MDGA2: variants seen among roughly 807,000 people sequenced by gnomAD.
MDGA2 encodes MAM domain-containing glycosylphosphatidylinositol anchor protein 2.
A neutral mutation model predicts 117.8 loss-of-function variants in MDGA2; 40 were observed. The ratio of observed to expected loss-of-function variants is 0.34; its 90% CI spans 0.26 to 0.44. The LOEUF is 0.44. MDGA2 is among the 20% of genes least tolerant of loss of function. MDGA2 has a pLI of 1.00. For missense variants in MDGA2, 1,123 were observed against 1,250.6 expected (o/e 0.90, Z 1.54); for synonymous variants, 452 against 439.0 (o/e 1.03, Z -0.37).
At chr14:47,413,014 G>A (rs1020578166) in intron 1 of MDGA2, among the ~76,000 whole-genome samples, 2 of 152,068 alleles carry the variant, frequency 1.3e-5, no homozygotes, top group African/African-American at 4.8e-5. Context: ...TGTTTTTTCA[G>A]GACCATTTTT....
At chr14:46,863,443 C>A (rs1566496398) in intron 14 of MDGA2, among the ~76,000 whole-genome samples, 1 of 152,114 alleles carries the variant, frequency 6.6e-6, no homozygotes, top group Non-Finnish European at 1.5e-5. Flanking sequence ...ACAGCCTGTG[C>A]AATTCATCCT....
chr14:47,259,812 G>C (rs1258298104), intron 2 of MDGA2, among the ~76,000 whole-genome samples: 1 of 152,086 alleles, frequency 6.6e-6, no homozygotes, highest in African/African-American at 2.4e-5. Context: ...CCCAGGGGCT[G>C]AGCAGGATGT....
At chr14:47,215,310 C>T (rs761551908) in intron 3 of MDGA2, among the ~76,000 whole-genome samples, 1 of 151,994 alleles carries the variant, frequency 6.6e-6, no homozygotes, top group Non-Finnish European at 1.5e-5. Flanking sequence ...AACATTCAAT[C>T]AAAATTAGAG....
At chr14:47,473,930 A>G (rs1339570918) in intron 1 of MDGA2, among the ~76,000 whole-genome samples, 1 of 152,236 alleles carries the variant, frequency 6.6e-6, no homozygotes, top group African/African-American at 2.4e-5. Context: ...CAAGACAAGT[A>G]TGCCCTCTCT....
chr14:47,525,998 T>C (rs1894966804), intron 1 of MDGA2, among the ~76,000 whole-genome samples: 1 of 152,166 alleles, frequency 6.6e-6, no homozygotes, highest in Admixed American at 6.5e-5. Flanking sequence ...TTAATCTGGA[T>C]ATTTCTAGGC....
At chr14:47,465,129 G>A (rs1381064602) in intron 1 of MDGA2, among the ~76,000 whole-genome samples, 1 of 151,864 alleles carries the variant, frequency 6.6e-6, no homozygotes, top group South Asian at 2.1e-4. Context: ...ATGGTGCTGG[G>A]ATAACTGGCT....
rs1441881807 is a variant in MDGA2, at chr14:47,674,498, G to C, written c.280+19C>G. 1.3e-6 allele frequency: 2 copies of C among 1,544,818 alleles called. No individual in the cohort carries two copies. The highest frequency in any genetic ancestry group is 1.4e-5 in the African/African-American group (1 of 72,674). ...GCCTAAGAATCACAAGGTCACGATA[G>C]CGTCGCGATTCCACTCACCGTACAC... On this transcript the variant is annotated intron_variant, in intron 1 of 16. Transcript: ENST00000399232.
At chr14:47,045,352 TTAAAA>T (rs1447785196) in intron 7 of MDGA2, among the ~76,000 whole-genome samples, 2 of 152,188 alleles carry the variant, frequency 1.3e-5, no homozygotes, top group East Asian at 3.9e-4. Flanking sequence ...TTTAGAATAA[TTAAAA>T]TAAATCTCTT....
intron 5 of MDGA2, among the ~76,000 whole-genome samples, chr14:47,125,440 T>C (rs1373807031): frequency 6.6e-6 from 1 of 152,102 alleles, no homozygotes; most frequent in Non-Finnish European, 1.5e-5. Context: ...CAACAATTTC[T>C]GGACATTTAT....
intron 2 of MDGA2, among the ~76,000 whole-genome samples, chr14:47,239,196 T>C (rs2139598989): frequency 6.7e-6 from 1 of 148,546 alleles, no homozygotes; most frequent in East Asian, 1.9e-4. Flanking sequence ...CTGACGACCG[T>C]AACCTTTACG....
intron 2 of MDGA2, among the ~76,000 whole-genome samples, chr14:47,249,049 C>T (rs1268664938): frequency 1.4e-4 from 20 of 143,294 alleles, no homozygotes; most frequent in African/African-American, 4.7e-4. Flanking sequence ...CATGGAGTCT[C>T]GCTCTGTCAC....
intron 6 of MDGA2, among the ~76,000 whole-genome samples, chr14:47,081,733 A>G (rs896508395): frequency 6.6e-6 from 1 of 152,180 alleles, no homozygotes; most frequent in Non-Finnish European, 1.5e-5. Flanking sequence ...TATTATTTTT[A>G]GTATGCAGTG....
intron 1 of MDGA2, among the ~76,000 whole-genome samples, chr14:47,520,204 T>C (rs1267706857): frequency 1.3e-5 from 2 of 152,160 alleles, no homozygotes; most frequent in Non-Finnish European, 2.9e-5. Context: ...CTCTAAGGAT[T>C]TGCATTCACA....
intron 9 of MDGA2, among the ~76,000 whole-genome samples, chr14:46,937,060 A>T (rs1884808771): frequency 6.6e-6 from 1 of 152,154 alleles, no homozygotes; most frequent in African/African-American, 2.4e-5. Flanking sequence ...TCTACCAAAA[A>T]AACTCTTAGA....
At position 46,964,919 on chromosome 14, in the gene MDGA2, C is replaced by CTTTTTTTTTTTTTTTTTT. The variant is rs746778179; in HGVS notation, c.1820-7294_1820-7277dup. 6.7e-5 allele frequency among the ~76,000 whole-genome samples: 6 copies of CTTTTTTTTTTTTTTTTTT among 89,790 alleles called. 1 individual carries two copies. The highest frequency in any genetic ancestry group is 1.2e-4 in the African/African-American group (2 of 16,308). 58.9% of individuals were successfully genotyped at this position (89,790 alleles called of 152,430 possible). ...GAAAATATCCCCAAATATATATTTA[C>CTTTTTTTTTTTTTTTTTT]TTTTTTTTTTTTTTTTTTTTTTGAG... On this transcript the variant is annotated intron_variant, in intron 8 of 16. Coordinates refer to ENST00000399232, the MANE Select transcript of MDGA2 (RefSeq NM_001113498.3).
At chr14:47,331,392 G>T (rs1410316585) in intron 1 of MDGA2, among the ~76,000 whole-genome samples, 2 of 151,736 alleles carry the variant, frequency 1.3e-5, no homozygotes, top group African/African-American at 4.8e-5. Context: ...TATTACTGTA[G>T]ATGTCATTAT....
intron 1 of MDGA2, among the ~76,000 whole-genome samples, chr14:47,336,432 A>G (rs758840070): frequency 1.3e-5 from 2 of 151,980 alleles, no homozygotes; most frequent in Non-Finnish European, 2.9e-5. Flanking sequence ...CTGAGAAGAT[A>G]TGTTTAAGAG....
intron 8 of MDGA2, among the ~76,000 whole-genome samples, chr14:47,012,307 A>T (rs1250676408): frequency 6.6e-6 from 1 of 152,134 alleles, no homozygotes; most frequent in African/African-American, 2.4e-5. Flanking sequence ...ATCAGTTCAA[A>T]CATACACTTC....
intron 1 of MDGA2, among the ~76,000 whole-genome samples, chr14:47,527,614 A>T (rs1387848344): frequency 6.6e-6 from 1 of 152,198 alleles, no homozygotes; most frequent in East Asian, 1.9e-4. Flanking sequence ...GTTAGAAAAG[A>T]GGAAACTCTG....
Sources: gnomAD v4.1 joint callset for allele counts (sites outside exome capture counted in the v4.1 genomes callset) on GRCh38, gnomAD v4.1.1 for gene constraint, MANE v1.5 for transcripts, NCBI Gene and HGNC (gene_info 2026-07-23, HGNC 2026-07-21) for gene names.